Variants in SPMAP2L observed in about 807,000 individuals in gnomAD.
SPMAP2L encodes sperm microtubule associated protein 2-like.
At chr4:56,564,247 C>T in the SPMAP2L span, among the ~76,000 whole-genome samples, 2 of 151,848 alleles carry the variant, frequency 1.3e-5, no homozygotes, top group Admixed American at 1.3e-4. Context: ...GAACCTCCCA[C>T]CTCAGCCTCC....
At chr4:56,584,672 CT>C in the SPMAP2L span, 1 of 1,118,704 alleles carries the variant, frequency 8.9e-7, no homozygotes, top group Non-Finnish European at 1.3e-6. Context: ...TGCCTACCCT[CT>C]TTTTCTAGAT....
At chr4:56,563,833 G>C in the SPMAP2L span, among the ~76,000 whole-genome samples, 2 of 152,072 alleles carry the variant, frequency 1.3e-5, no homozygotes, top group Non-Finnish European at 2.9e-5. Flanking sequence ...GTCCGTGAGG[G>C]ATATCGATTT....
At chr4:56,559,286 A>G in the SPMAP2L span, 6 of 967,298 alleles carry the variant, frequency 6.2e-6, no homozygotes, top group African/African-American at 1.8e-5. Flanking sequence ...AGCCTGGGCA[A>G]CAGAGCAAGA....
the SPMAP2L span, among the ~76,000 whole-genome samples, chr4:56,571,940 G>A: frequency 6.6e-6 from 1 of 152,106 alleles, no homozygotes; most frequent in South Asian, 2.1e-4. Context: ...TCACTAGAAG[G>A]TGTTTAGGAG....
the SPMAP2L span, chr4:56,594,954 G>A: frequency 6.2e-7 from 1 of 1,611,554 alleles, no homozygotes; most frequent in Non-Finnish European, 8.5e-7. Context: ...GGTGGTCCTG[G>A]CATGGGGCCC....
chr4:56,591,269 T>A, the SPMAP2L span, among the ~76,000 whole-genome samples: 5 of 152,174 alleles, frequency 3.3e-5, no homozygotes, highest in Non-Finnish European at 5.9e-5. Flanking sequence ...TAAGATGTGC[T>A]TCCCCTTTGC....
chr4:56,531,326 G>A, the SPMAP2L span, among the ~76,000 whole-genome samples: 1 of 152,154 alleles, frequency 6.6e-6, no homozygotes, highest in African/African-American at 2.4e-5. Context: ...TCATTTACCT[G>A]TTGCTTCGCA....
At chr4:56,557,905 A>C in the SPMAP2L span, 1 of 152,188 alleles carries the variant, frequency 6.6e-6, no homozygotes, top group Non-Finnish European at 1.5e-5. Context: ...ATCTGTTTAT[A>C]ATATGCTACT....
the SPMAP2L span, among the ~76,000 whole-genome samples, chr4:56,558,356 G>A: frequency 7.9e-5 from 12 of 152,096 alleles, no homozygotes; most frequent in African/African-American, 2.9e-4. Context: ...CAAATATCCT[G>A]CTTTGTACAT....
chr4:56,565,359 C>G, the SPMAP2L span, among the ~76,000 whole-genome samples: 1 of 152,132 alleles, frequency 6.6e-6, no homozygotes, highest in African/African-American at 2.4e-5. Context: ...TTATTAAATG[C>G]ATAAAACTTT....
the SPMAP2L span, among the ~76,000 whole-genome samples, chr4:56,554,084 G>A: frequency 6.6e-6 from 1 of 151,720 alleles, no homozygotes; most frequent in East Asian, 1.9e-4. Context: ...ATGTATCATA[G>A]ATTATCCATT....
At chr4:56,594,173 A>G in the SPMAP2L span, 332 of 1,612,772 alleles carry the variant, frequency 2.1e-4, no homozygotes, top group Non-Finnish European at 2.7e-4. Context: ...AGAGGAGTGC[A>G]GAGGTATTCC....
chr4:56,598,190 T>C, the SPMAP2L span, among the ~76,000 whole-genome samples: 2 of 152,198 alleles, frequency 1.3e-5, no homozygotes, highest in Non-Finnish European at 2.9e-5. Context: ...AGTGAGCATT[T>C]AAAAGAGAGT....
the SPMAP2L span, chr4:56,596,446 A>G: frequency 2.8e-6 from 4 of 1,443,462 alleles, no homozygotes; most frequent in Non-Finnish European, 2.7e-6. Flanking sequence ...ATCTTGAACT[A>G]AATAGTGTTT....
chr4:56,588,919 A>T, the SPMAP2L span, among the ~76,000 whole-genome samples: 2 of 152,184 alleles, frequency 1.3e-5, no homozygotes, highest in Non-Finnish European at 1.5e-5. Context: ...GCTTTGTCAA[A>T]GATCAGTTGG....
At chr4:56,566,808 T>C in the SPMAP2L span, among the ~76,000 whole-genome samples, 3 of 146,400 alleles carry the variant, frequency 2.0e-5, no homozygotes, top group South Asian at 6.7e-4. Context: ...GCGATTCTCC[T>C]GCCCCAGCCT....
At chr4:56,573,113 G>A in the SPMAP2L span, among the ~76,000 whole-genome samples, 1 of 152,070 alleles carries the variant, frequency 6.6e-6, no homozygotes, top group Non-Finnish European at 1.5e-5. Context: ...GCACGTAAGG[G>A]CAGCAGCAGT....
At chr4:56,593,080 C>G in the SPMAP2L span, 1 of 1,579,848 alleles carries the variant, frequency 6.3e-7, no homozygotes, top group South Asian at 1.1e-5. Flanking sequence ...ATTGTAACTG[C>G]TCAGTGCCAC....
At chr4:56,595,130 G>T in the SPMAP2L span, 4 of 1,611,418 alleles carry the variant, frequency 2.5e-6, no homozygotes, top group Non-Finnish European at 3.4e-6. Flanking sequence ...GGAGGCAAGG[G>T]CCTTAAACAA....
Sources: allele counts gnomAD v4.1 joint callset (sites outside exome capture counted in the v4.1 genomes callset), GRCh38; gene constraint gnomAD v4.1.1; transcripts MANE v1.5; gene names NCBI Gene and HGNC (gene_info 2026-07-23, HGNC 2026-07-21).